GASK1B: variants seen among roughly 807,000 people sequenced by gnomAD.
GASK1B encodes Golgi-associated kinase 1B.
Under a neutral mutation model 42.8 loss-of-function variants are expected in GASK1B, and 34 were observed. The ratio of observed to expected loss-of-function variants is 0.79; its 90% CI spans 0.60 to 1.06. The LOEUF (loss-of-function observed/expected upper bound fraction) is 1.06. Among genes scored for constraint, GASK1B ranks in the 50% least tolerant of loss-of-function variants. The pLI, the probability that GASK1B is intolerant of heterozygous loss-of-function variation, is 0.00. For synonymous variants in GASK1B, 262 were observed against 259.1 expected, an observed-to-expected ratio of 1.01 and a Z score of -0.11; for missense variants, 686 against 661.0, an observed-to-expected ratio of 1.04 and a Z score of -0.42.
intron 3 of GASK1B, among the ~76,000 whole-genome samples, chr4:158,137,398 A>G (rs1325834796): frequency 1.3e-5 from 2 of 152,188 alleles, no homozygotes; most frequent in South Asian, 4.1e-4. Flanking sequence ...TCAAAAAGGG[A>G]AAAAGACAGT....
In GASK1B at chr4:158,127,084, C is replaced by T. The variant is rs1050876130; in HGVS notation, c.*323G>A. The stretch of plus-strand genomic sequence containing the variant: ...GTCAGTGTCTCTGGTTTGCAGTTTT[C>T]TATTAAACAGCATGACAAATGTTTT... On this transcript the variant is annotated 3_prime_UTR_variant, in exon 5 of 5. Transcript: ENST00000585682. 4.8e-5 allele frequency: 10 copies of T among 207,428 alleles called. No individual in the cohort carries two copies. Among genetic ancestry groups the T allele is most frequent in the Middle Eastern group, 2.0e-3 (1 of 508 alleles). The allele number at this position is 207,428 out of a possible 1,614,324, so 12.8% of individuals were successfully genotyped here.
At chr4:158,139,119 C>T (rs1437292195) in intron 3 of GASK1B, among the ~76,000 whole-genome samples, 1 of 152,084 alleles carries the variant, frequency 6.6e-6, no homozygotes, top group Non-Finnish European at 1.5e-5. Flanking sequence ...AGCAACCTGC[C>T]TAAGGAGATA....
At chr4:158,165,405 T>G (rs1732191338) in intron 2 of GASK1B, among the ~76,000 whole-genome samples, 1 of 152,198 alleles carries the variant, frequency 6.6e-6, no homozygotes, top group African/African-American at 2.4e-5. Context: ...AATTTGAGAC[T>G]CTTGCAAGGA....
chr4:158,131,161 A>G (rs1730669774), intron 3 of GASK1B, 149 bp from the exon 4 acceptor site: 4 of 655,562 alleles, frequency 6.1e-6, no homozygotes, highest in Non-Finnish European at 2.6e-6. Flanking sequence ...AACTGTCAGA[A>G]CAAGTCCAAG....
intron 3 of GASK1B, among the ~76,000 whole-genome samples, chr4:158,134,161 A>G (rs1266744241): frequency 6.6e-6 from 1 of 151,292 alleles, no homozygotes; most frequent in Non-Finnish European, 1.5e-5. Flanking sequence ...CTTGACCACA[A>G]AAACATAATC....
intron 2 of GASK1B, among the ~76,000 whole-genome samples, chr4:158,168,080 C>T (rs1191770761): frequency 6.6e-6 from 1 of 151,990 alleles, no homozygotes; most frequent in Non-Finnish European, 1.5e-5. Context: ...TTCATGAGCC[C>T]CTGGAGAAAC....
chr4:158,158,558 T>C (rs1373320506), intron 2 of GASK1B, among the ~76,000 whole-genome samples: 1 of 152,088 alleles, frequency 6.6e-6, no homozygotes, highest in Non-Finnish European at 1.5e-5. Flanking sequence ...TATAAATATT[T>C]TGTTTAATTA....
intron 3 of GASK1B, among the ~76,000 whole-genome samples, chr4:158,138,384 A>G (rs1730987023): frequency 1.3e-5 from 2 of 152,354 alleles, no homozygotes; most frequent in Middle Eastern, 3.4e-3. Flanking sequence ...ATTTTATGAA[A>G]TTCTGATTTA....
rs148604960 is a variant in GASK1B at position 158,135,671 on chromosome 4, C to T, written c.1126-4659G>A. Among the ~76,000 whole-genome samples, 650 of 151,848 alleles carry T rather than the reference C, an allele frequency of 4.3e-3. 5 individuals carry two copies. The highest frequency in any genetic ancestry group is 0.015 in the African/African-American group (621 of 41,400). On this transcript the variant is annotated intron_variant, in intron 3 of 4. Transcript: ENST00000585682. ...TCTTATCCATCCTGATTGTATCTCT[C>T]GGGGGTAGTCTCCAAAACGATACTG... is the stretch of plus-strand genomic sequence containing the variant.
At chr4:158,155,310 A>G (rs1731715157) in intron 3 of GASK1B, among the ~76,000 whole-genome samples, 1 of 152,176 alleles carries the variant, frequency 6.6e-6, no homozygotes, top group Admixed American at 6.5e-5. Context: ...GAAAATCTAC[A>G]TTCTGTAGAG....
chr4:158,151,911 G>C (rs2110982435), intron 3 of GASK1B, among the ~76,000 whole-genome samples: 1 of 152,286 alleles, frequency 6.6e-6, no homozygotes, highest in East Asian at 1.9e-4. Flanking sequence ...TGAGTCAGTG[G>C]ACTGGGAGAG....
rs981282081 is a variant in GASK1B at position 158,170,779 on chromosome 4, G to A, written c.597C>T (p.Ser199=). ...RAGGPDFLQP[S]SRESNIRIYS... The stretch of plus-strand genomic sequence containing the variant: ...AGATCCTAATGTTGCTCTCCCTGGA[G>A]CTGGGCTGCAGGAAGTCTGGGCCCC... Residue 199 remains serine, a synonymous_variant, in exon 2 of 5, where the codon AGC becomes AGT. Transcript: ENST00000585682. The A allele has an allele frequency of 6.2e-7, 1 of 1,614,228 alleles. No individual in the cohort carries two copies. Among genetic ancestry groups the A allele is most frequent in the East Asian group, 2.2e-5 (1 of 44,872 alleles).
At chr4:158,130,576 G>A (rs927599169) in intron 4 of GASK1B, among the ~76,000 whole-genome samples, 3 of 152,216 alleles carry the variant, frequency 2.0e-5, no homozygotes, top group South Asian at 2.1e-4. Context: ...CTTTGTAGGC[G>A]GTATTGGTTG....
At chr4:158,136,464 G>A (rs1730896807) in intron 3 of GASK1B, among the ~76,000 whole-genome samples, 1 of 152,136 alleles carries the variant, frequency 6.6e-6, no homozygotes, top group African/African-American at 2.4e-5. Flanking sequence ...CAAGTGGGTA[G>A]GGCATCAGGT....
At chr4:158,151,823 T>C (rs954303267) in intron 3 of GASK1B, among the ~76,000 whole-genome samples, 2 of 152,224 alleles carry the variant, frequency 1.3e-5, no homozygotes, top group Admixed American at 6.5e-5. Flanking sequence ...ATGTTGAATG[T>C]CAACTTGATT....
rs1003786518 is a variant in GASK1B, at chr4:158,125,339, A to C, written c.*2068T>G. 4.6e-5 allele frequency: 7 copies of C among 152,156 alleles called. No homozygotes were observed. Among genetic ancestry groups the C allele is most frequent in the Admixed American group, 1.3e-4 (2 of 15,254 alleles). The allele number at this position is 152,156 out of a possible 1,614,324, so 9.4% of individuals were successfully genotyped here. The stretch of plus-strand genomic sequence containing the variant: ...CCAACAGCATTGTAGCTTGAGACTC[A>C]AAGTTAAAGCCAGCTTCTAAAAAGC... On this transcript the variant is annotated 3_prime_UTR_variant, in exon 5 of 5. Transcript: ENST00000585682.
chr4:158,145,247 G>A (rs1731287026), intron 3 of GASK1B, among the ~76,000 whole-genome samples: 1 of 152,156 alleles, frequency 6.6e-6, no homozygotes, highest in African/African-American at 2.4e-5. Context: ...AAAAATAGGA[G>A]AAAGCAGGAC....
chr4:158,127,520 G>A lies in GASK1B; in HGVS notation c.1447C>T (p.Gln483Ter), dbSNP rs773013456. ...LFLDKVYWES[Q>*]GGRQGIEKLI... is the part of the protein sequence containing the mutation. ...TTTTCAATTCCTTGTCTACCTCCTTGACTTTCCCAATACACTTTATCAAGA... is the reference window on the plus strand; with the variant it reads ...TTTTCAATTCCTTGTCTACCTCCTTAACTTTCCCAATACACTTTATCAAGA... The change falls in exon 5 of 5, where the codon CAA becomes TAA. Residue 483 changes from glutamine to a stop codon, truncating the protein, a stop_gained. Transcript: ENST00000585682. LOFTEE classifies it high-confidence loss of function. 1.2e-6 allele frequency: 2 copies of A among 1,613,658 alleles called. No homozygotes were observed. The highest frequency in any genetic ancestry group is 1.7e-6 in the Non-Finnish European group (2 of 1,179,778).
intron 2 of GASK1B, among the ~76,000 whole-genome samples, chr4:158,160,301 G>C (rs904543867): frequency 6.6e-6 from 1 of 152,114 alleles, no homozygotes; most frequent in Non-Finnish European, 1.5e-5. Flanking sequence ...AGTAGGTGGG[G>C]AGGTAGGAGT....
Sources: gnomAD v4.1 joint callset for allele counts (sites outside exome capture counted in the v4.1 genomes callset) on GRCh38, gnomAD v4.1.1 for gene constraint, MANE v1.5 for transcripts, NCBI Gene and HGNC (gene_info 2026-07-23, HGNC 2026-07-21) for gene names.